NR3C2: variants seen among roughly 807,000 people sequenced by gnomAD.
NR3C2 encodes the protein mineralocorticoid receptor.
Under a neutral mutation model 86.4 loss-of-function variants are expected in NR3C2, and 15 were observed. The ratio of observed to expected loss-of-function variants is 0.17; its 90% CI spans 0.12 to 0.27. The LOEUF (loss-of-function observed/expected upper bound fraction) is 0.27. NR3C2 is among the 10% of genes least tolerant of loss of function. NR3C2 has a pLI of 1.00. For missense variants in NR3C2, 960 were observed against 1,195.6 expected (o/e 0.80, Z 2.91); for synonymous variants, 458 against 450.5 (o/e 1.02, Z -0.21).
intron 3 of NR3C2, among the ~76,000 whole-genome samples, chr4:148,248,493 A>C (rs1440798587): frequency 6.6e-6 from 1 of 152,182 alleles, no homozygotes; most frequent in Non-Finnish European, 1.5e-5. Context: ...GGAAAAAAGG[A>C]AGTAAAAAGT....
chr4:148,138,030 A>G (rs753046232), intron 6 of NR3C2, among the ~76,000 whole-genome samples: 30 of 152,364 alleles, frequency 2.0e-4, no homozygotes, highest in Middle Eastern at 3.4e-3. Context: ...TAATATGGGT[A>G]AATATCAATA....
At chr4:148,323,847 C>T (rs183862220) in intron 2 of NR3C2, among the ~76,000 whole-genome samples, 1 of 146,030 alleles carries the variant, frequency 6.8e-6, no homozygotes, top group East Asian at 2.0e-4. Context: ...TTCTGCGTCG[C>T]TCACGCTGGG....
rs76916273 is a variant in NR3C2, at chr4:148,288,239, T to C, written c.1758-28122A>G. On this transcript the variant is annotated intron_variant, in intron 2 of 8. Transcript: ENST00000358102. ...CTTTCTTGTAAGATTGTGACAATAA[T>C]ACCTACCTCATAAGGATCTAATACA... Among the ~76,000 whole-genome samples the C allele has an allele frequency of 7.4e-3, 1,130 of 152,352 alleles. 19 individuals carry two copies. Among genetic ancestry groups the C allele is most frequent in the African/African-American group, 0.026 (1,074 of 41,586 alleles).
chr4:148,407,680 T>C (rs72658634), intron 2 of NR3C2, among the ~76,000 whole-genome samples: 199 of 3,300 alleles, frequency 0.06, no homozygotes, highest in African/African-American at 0.083. Flanking sequence ...CTCAAATCTA[T>C]CAGAGGCCCC....
intron 3 of NR3C2, among the ~76,000 whole-genome samples, chr4:148,212,330 T>C (rs1415843783): frequency 6.6e-6 from 1 of 152,224 alleles, no homozygotes; most frequent in African/African-American, 2.4e-5. Context: ...GGTGGGGATA[T>C]CTTATGCATC....
chr4:148,397,319 A>G (rs747191285), intron 2 of NR3C2, among the ~76,000 whole-genome samples: 1 of 152,206 alleles, frequency 6.6e-6, no homozygotes, highest in Non-Finnish European at 1.5e-5. Context: ...CTGTCCTTTC[A>G]TCGTGGCTGA....
intron 7 of NR3C2, among the ~76,000 whole-genome samples, chr4:148,117,549 C>T (rs895523164): frequency 2.6e-5 from 4 of 152,070 alleles, no homozygotes; most frequent in African/African-American, 7.2e-5. Flanking sequence ...TCCGTTTTGT[C>T]AACTTTAGAA....
chr4:148,184,123 T>A (rs1735770188), intron 4 of NR3C2, among the ~76,000 whole-genome samples: 1 of 152,094 alleles, frequency 6.6e-6, no homozygotes, highest in Admixed American at 6.6e-5. Flanking sequence ...AGTTACTGAC[T>A]GAGTTAATCC....
At chr4:148,205,884 A>T (rs1050238827) in intron 3 of NR3C2, among the ~76,000 whole-genome samples, 1 of 152,198 alleles carries the variant, frequency 6.6e-6, no homozygotes, top group African/African-American at 2.4e-5. Flanking sequence ...ACTAAAAAAA[A>T]AATGTTGTCA....
intron 3 of NR3C2, among the ~76,000 whole-genome samples, chr4:148,259,359 C>G (rs552814638): frequency 4.8e-4 from 73 of 152,226 alleles, no homozygotes; most frequent in African/African-American, 1.6e-3. Context: ...AATTAAAGAC[C>G]ATTTCTCCTT....
intron 3 of NR3C2, among the ~76,000 whole-genome samples, chr4:148,235,756 GT>G (rs1738720756): frequency 6.6e-6 from 1 of 150,494 alleles, no homozygotes; most frequent in Admixed American, 6.7e-5. Flanking sequence ...TGTTGTTGTT[GT>G]GAAACAAGGA....
intron 1 of NR3C2, among the ~76,000 whole-genome samples, 164 bp from the exon 2 acceptor site, chr4:148,437,026 A>G (rs1750115460): frequency 1.3e-5 from 2 of 152,380 alleles, no homozygotes; most frequent in South Asian, 4.1e-4. Context: ...CTGACATAAC[A>G]GAGTATTGAC....
chr4:148,362,415 G>C (rs565666655), intron 2 of NR3C2, among the ~76,000 whole-genome samples: 14 of 152,178 alleles, frequency 9.2e-5, no homozygotes, highest in African/African-American at 3.4e-4. Context: ...ATGTCACTAT[G>C]TACCTCATGA....
chr4:148,084,296 A>G (rs1730710790), intron 8 of NR3C2, among the ~76,000 whole-genome samples: 1 of 152,262 alleles, frequency 6.6e-6, no homozygotes, highest in African/African-American at 2.4e-5. Flanking sequence ...CAAAGTGGGA[A>G]GCCCATCAGA....
chr4:148,087,215 G>T (rs1730854816), intron 8 of NR3C2, among the ~76,000 whole-genome samples: 2 of 152,156 alleles, frequency 1.3e-5, no homozygotes, highest in African/African-American at 4.8e-5. Context: ...TACAAGGGAT[G>T]TGAAGGACAT....
intron 8 of NR3C2, among the ~76,000 whole-genome samples, chr4:148,110,991 G>A (rs552967714): frequency 1.1e-4 from 17 of 152,214 alleles, no homozygotes; most frequent in Admixed American, 1.1e-3. Flanking sequence ...ATCATCAACT[G>A]GACTTCGTTA....
chr4:148,167,453 G>A (rs6844150), intron 4 of NR3C2, among the ~76,000 whole-genome samples: 7,728 of 151,740 alleles, frequency 0.051, 617 homozygotes, highest in African/African-American at 0.17. Context: ...GATTTTTTTC[G>A]GACCCACAGT....
chr4:148,323,716 C>A (rs1743781726), intron 2 of NR3C2, among the ~76,000 whole-genome samples: 1 of 152,174 alleles, frequency 6.6e-6, no homozygotes, highest in South Asian at 2.1e-4. Flanking sequence ...CCAAGTGAGG[C>A]AATGCCTCGC....
At chr4:148,391,304 T>C (rs1747536800) in intron 2 of NR3C2, among the ~76,000 whole-genome samples, 1 of 152,210 alleles carries the variant, frequency 6.6e-6, no homozygotes, top group African/African-American at 2.4e-5. Context: ...ATTGTACATC[T>C]CATATTTAAA....
Sources: allele counts gnomAD v4.1 joint callset (sites outside exome capture counted in the v4.1 genomes callset), GRCh38; gene constraint gnomAD v4.1.1; transcripts MANE v1.5; gene names NCBI Gene and HGNC (gene_info 2026-07-23, HGNC 2026-07-21).